Variants in MOK observed in about 807,000 individuals in gnomAD.
The protein encoded by MOK is MAPK/MAK/MRK overlapping kinase.
In MOK, 59 loss-of-function variants were observed where a neutral mutation model predicts 54.2. The observed-to-expected ratio is 1.09, with a 90% CI of 0.88 to 1.35. The LOEUF is 1.35. Ranked by LOEUF, MOK falls within the 40% of genes most tolerant of loss-of-function variation. The probability of loss-of-function intolerance (pLI) is 0.00; values close to 1 mark genes in which losing one functional copy is unlikely to be tolerated. For missense variants in MOK, 517 were observed against 526.2 expected (o/e 0.98, Z 0.17); for synonymous variants, 210 against 202.7 (o/e 1.04, Z -0.31).
rs540182775 is a variant in MOK, at chr14:102,254,546, C to A, written c.284-2551G>T. On this transcript the variant is annotated intron_variant, in intron 4 of 11. Coordinates refer to ENST00000361847, the MANE Select transcript of MOK (RefSeq NM_014226.3). ...GTGCTCCTGGGTCCTGTGATCAAAC[C>A]CAGTCTCACTGCTCCCGACTTACCC... Among the ~76,000 whole-genome samples, 17 of 152,236 alleles carry A rather than the reference C, an allele frequency of 1.1e-4. No individual in the cohort carries two copies. The South Asian group carries it at 3.5e-3, about 32-fold the overall frequency.
intron 2 of MOK, among the ~76,000 whole-genome samples, chr14:102,279,327 C>T (rs1354234688): frequency 6.6e-6 from 1 of 151,386 alleles, no homozygotes; most frequent in East Asian, 1.9e-4. Flanking sequence ...CAGGGTCTTG[C>T]TCTGTCACCC....
downstream of MOK, among the ~76,000 whole-genome samples, chr14:102,228,216 CCA>C (rs1368354700): frequency 1.3e-5 from 2 of 152,196 alleles, no homozygotes; most frequent in African/African-American, 4.8e-5. Context: ...TCCATACTCC[CCA>C]GAGACAGCTG....
intron 1 of MOK, among the ~76,000 whole-genome samples, chr14:102,294,232 G>A (rs898248339): frequency 6.6e-6 from 1 of 150,424 alleles, no homozygotes; most frequent in East Asian, 1.9e-4. Flanking sequence ...GGATCACGAG[G>A]TCAGGAGATC....
intron 1 of MOK, among the ~76,000 whole-genome samples, chr14:102,302,389 A>C (rs2072325325): frequency 6.6e-6 from 1 of 151,526 alleles, no homozygotes; most frequent in African/African-American, 2.4e-5. Flanking sequence ...TGTAAATTTT[A>C]TATATATATA....
chr14:102,236,781 C>T lies in MOK; in HGVS notation c.591-2992G>A, dbSNP rs1444336664. On this transcript the variant is annotated intron_variant, in intron 7 of 11. Coordinates refer to ENST00000361847, the MANE Select transcript of MOK (RefSeq NM_014226.3). This position sits in a 1 kb window ranked among gnomAD's most constrained non-coding sequence, Gnocchi z 4.5. Reference sequence around the variant, plus strand: ...ATCCCCAAAAACCCTATCTCCCTAACCCACCAAAAAGGCTTACAGCCCATC... The same window carrying T: ...ATCCCCAAAAACCCTATCTCCCTAATCCACCAAAAAGGCTTACAGCCCATC... 6.6e-6 allele frequency among the ~76,000 whole-genome samples: 1 copy of T among 152,196 alleles called. No homozygotes were observed. Among genetic ancestry groups the T allele is most frequent in the Non-Finnish European group, 1.5e-5 (1 of 68,042 alleles).
intron 2 of MOK, among the ~76,000 whole-genome samples, chr14:102,273,046 T>A (rs146114838): frequency 0.018 from 2,740 of 152,160 alleles, 93 homozygotes; most frequent in African/African-American, 0.063. Flanking sequence ...GGCGGGTGCC[T>A]GTAGTCCCAG....
the MOK span, among the ~76,000 whole-genome samples, chr14:102,216,437 A>G: frequency 6.6e-6 from 1 of 152,160 alleles, no homozygotes; most frequent in Non-Finnish European, 1.5e-5. Flanking sequence ...GACCATAGGC[A>G]CACACCACCA....
At chr14:102,222,885 G>C (rs778768324), downstream of MOK, 12 of 1,614,114 alleles carry the variant, frequency 7.4e-6, no homozygotes, top group East Asian at 2.2e-5. The surrounding 1 kb of genome is among the most constrained non-coding windows in gnomAD (Gnocchi z 4.4). Flanking sequence ...GTAGTGTAGC[G>C]ACCTCACTGC....
intron 7 of MOK, among the ~76,000 whole-genome samples, 166 bp downstream of exon 7, chr14:102,250,643 TACA>T (rs1368009661): frequency 1.3e-5 from 2 of 152,188 alleles, no homozygotes; most frequent in Non-Finnish European, 2.9e-5. Flanking sequence ...GCCAAATATG[TACA>T]ACAAGTAAAA....
intron 4 of MOK, among the ~76,000 whole-genome samples, chr14:102,255,259 A>G (rs1419214367): frequency 6.6e-6 from 1 of 152,194 alleles, no homozygotes; most frequent in Non-Finnish European, 1.5e-5. Flanking sequence ...CGGAGCTTGC[A>G]GTGAGCTGAG....
At chr14:102,303,465 C>A (rs961265839) in intron 1 of MOK, among the ~76,000 whole-genome samples, 1 of 152,102 alleles carries the variant, frequency 6.6e-6, no homozygotes, top group African/African-American at 2.4e-5. Context: ...TCATGAAAGA[C>A]ACAAAAGGCA....
At chr14:102,285,788 A>T (rs1186241684) in intron 1 of MOK, among the ~76,000 whole-genome samples, 1 of 152,120 alleles carries the variant, frequency 6.6e-6, no homozygotes, top group Admixed American at 6.6e-5. Context: ...GCTACTTGGG[A>T]GGCTGAGGTA....
At chr14:102,283,720 CT>C in intron 1 of MOK, 128 bp from the exon 2 acceptor site, 1 of 592,498 alleles carries the variant, frequency 1.7e-6, no homozygotes, top group Non-Finnish European at 2.9e-6. Flanking sequence ...TTTCTCCTAT[CT>C]TTGTAAGATT....
chr14:102,222,591 C>T (rs369443515), downstream of MOK, among the ~76,000 whole-genome samples: 52 of 152,336 alleles, frequency 3.4e-4, no homozygotes, highest in East Asian at 0.01. The surrounding 1 kb of genome is among the most constrained non-coding windows in gnomAD (Gnocchi z 4.4). Context: ...CCTGCCCGCC[C>T]TTCTCTTGGA....
chr14:102,288,935 C>T (rs1597577945), intron 1 of MOK, among the ~76,000 whole-genome samples: 2 of 152,300 alleles, frequency 1.3e-5, no homozygotes, highest in East Asian at 1.9e-4. Flanking sequence ...CAGGGTCTCA[C>T]TCCGTTGCCC....
chr14:102,244,974 G>A (rs1157362239), intron 7 of MOK, among the ~76,000 whole-genome samples: 1 of 152,076 alleles, frequency 6.6e-6, no homozygotes, highest in Non-Finnish European at 1.5e-5. Context: ...CTCTGTCAAG[G>A]ATAGAGCCCA....
rs768368623 is a variant in MOK, at chr14:102,233,725, C to T, written c.655G>A (p.Gly219Ser). The T allele has an allele frequency of 5.1e-5, 83 of 1,613,910 alleles. 1 individual carries two copies. Among genetic ancestry groups the T allele is most frequent in the Non-Finnish European group, 5.0e-5 (59 of 1,179,956 alleles). ...DQISKIHDVIGTPAQKILTKF... is the reference protein window; with the variant it reads ...DQISKIHDVISTPAQKILTKF... Reference sequence around the variant, plus strand: ...GTGAGGATCTTCTGAGCGGGTGTGCCGATGACATCGTGGATTTTTGAGATT... The same window carrying T: ...GTGAGGATCTTCTGAGCGGGTGTGCTGATGACATCGTGGATTTTTGAGATT... Residue 219 changes from glycine to serine, a missense_variant, in exon 8 of 12, where the codon GGC (glycine) becomes AGC (serine). By Grantham distance (56) the Gly-to-Ser change is moderately conservative. Transcript: ENST00000361847.
downstream of MOK, chr14:102,226,118 C>T (rs550569257): frequency 1.6e-5 from 9 of 578,766 alleles, no homozygotes; most frequent in South Asian, 6.1e-5. This position sits in a 1 kb window ranked among gnomAD's most constrained non-coding sequence, Gnocchi z 4.8. Context: ...CACACGAAGA[C>T]GTGCACGTCT....
downstream of MOK, among the ~76,000 whole-genome samples, chr14:102,220,330 A>G (rs143974015): frequency 0.012 from 1,783 of 152,338 alleles, 14 homozygotes; most frequent in Middle Eastern, 0.041. This position sits in a 1 kb window ranked among gnomAD's most constrained non-coding sequence, Gnocchi z 4.2. Context: ...GAAAAGTGCC[A>G]TAACGTGTCA....
Sources: allele counts gnomAD v4.1 joint callset (sites outside exome capture counted in the v4.1 genomes callset), GRCh38; gene constraint gnomAD v4.1.1; non-coding constraint Gnocchi (gnomAD v3.1); transcripts MANE v1.5; gene names NCBI Gene and HGNC (gene_info 2026-07-23, HGNC 2026-07-21).